PARVB: variants seen among roughly 807,000 people sequenced by gnomAD.
The protein encoded by PARVB is beta-parvin.
PARVB carries 46 observed loss-of-function variants against 47.0 expected under a neutral mutation model. That is an observed-to-expected ratio of 0.98 (90% confidence interval 0.77 to 1.25). The LOEUF is 1.25. PARVB is among the 50% of genes most tolerant of loss of function. The pLI is 0.00. For synonymous variants in PARVB, 196 were observed against 196.3 expected (o/e 1.00, Z 0.01); for missense variants, 473 against 471.6 (o/e 1.00, Z -0.03).
At chr22:44,135,058 A>G (rs972719254) in intron 6 of PARVB, among the ~76,000 whole-genome samples, 4 of 152,082 alleles carry the variant, frequency 2.6e-5, no homozygotes, top group African/African-American at 9.7e-5. Context: ...TGAGTATTCC[A>G]TGGAGGTCAA....
At position 44,035,368 on chromosome 22, in the gene PARVB, C is replaced by CTT. The variant is rs57745730; in HGVS notation, c.112+10936_112+10937dup. The stretch of plus-strand genomic sequence containing the variant: ...TCACGCTTTTCTTCTTTTCTTTTTC[C>CTT]TTTTTTTTTTTTTTTTTTTTGAGAC... On this transcript the variant is annotated intron_variant, in intron 1 of 12. Coordinates refer to ENST00000338758, the MANE Select transcript of PARVB (RefSeq NM_013327.5). 3.2e-3 allele frequency among the ~76,000 whole-genome samples: 380 copies of CTT among 117,958 alleles called. 3 individuals carry two copies. The highest frequency in any genetic ancestry group is 5.1e-3 in the Admixed American group (55 of 10,838). 77.4% of individuals were successfully genotyped at this position (117,958 alleles called of 152,430 possible). A position where few individuals can be genotyped will look rare whatever the true frequency, so the allele number is the denominator to read the frequency against.
chr22:44,023,602 T>A (rs148315521), upstream of PARVB, among the ~76,000 whole-genome samples: 5 of 135,212 alleles, frequency 3.7e-5, no homozygotes, highest in Admixed American at 7.3e-5. Flanking sequence ...TAAAATAAAA[T>A]AAAAATAGCC....
intron 1 of PARVB, among the ~76,000 whole-genome samples, chr22:44,048,976 C>T (rs1156758197): frequency 6.6e-6 from 1 of 152,152 alleles, no homozygotes; most frequent in Non-Finnish European, 1.5e-5. Context: ...AGGTGTGAAC[C>T]ACTGCGCCTG....
intron 8 of PARVB, chr22:44,140,719 A>G (rs112964805): frequency 0.01 from 4,142 of 410,334 alleles, 109 homozygotes; most frequent in African/African-American, 0.065. Context: ...TGCTGTGAGT[A>G]TTGGGTGAGA....
intron 4 of PARVB, among the ~76,000 whole-genome samples, chr22:44,126,269 C>T (rs2053184054): frequency 6.6e-6 from 1 of 152,170 alleles, no homozygotes; most frequent in South Asian, 2.1e-4. Context: ...TGAGAATCCC[C>T]ATCTTAGAAT....
intron 12 of PARVB, among the ~76,000 whole-genome samples, chr22:44,167,671 C>T (rs2147195796): frequency 1.3e-5 from 2 of 150,974 alleles, no homozygotes; most frequent in Admixed American, 1.3e-4. Context: ...CAGGGGGAGA[C>T]CCTGGGATCC....
chr22:44,073,441 C>T (rs118171597), intron 1 of PARVB, among the ~76,000 whole-genome samples: 6 of 152,152 alleles, frequency 3.9e-5, no homozygotes, highest in Non-Finnish European at 5.9e-5. Flanking sequence ...TTGCGGTGAG[C>T]GGAGGTCGCG....
chr22:44,149,882 G>A (rs13056511), intron 9 of PARVB: 46,353 of 152,078 alleles, frequency 0.3, 7,622 homozygotes, highest in East Asian at 0.62. Context: ...CAGGCTGGGC[G>A]CGGTGGCTCA....
Position 44,068,078 on chromosome 22 carries a change from C to T in PARVB, c.113-25850C>T, listed in dbSNP as rs954542295. Among the ~76,000 whole-genome samples, 2 of 148,984 alleles carry T rather than the reference C, an allele frequency of 1.3e-5. No homozygotes were observed. The highest frequency in any genetic ancestry group is 2.0e-4 in the East Asian group (1 of 4,916). On this transcript the variant is annotated intron_variant, in intron 1 of 12. Coordinates refer to ENST00000338758, the MANE Select transcript of PARVB (RefSeq NM_013327.5). The surrounding 1 kb of genome is among the most constrained non-coding windows in gnomAD (Gnocchi z 4.1). The stretch of plus-strand genomic sequence containing the variant: ...CTGCTGGGTCGGGACATGGGCCTCC[C>T]GTGGGCCTCACCGCTTCCTGCTTCA...
chr22:44,002,731 G>A (rs915554750), intron 2 of PARVB, among the ~76,000 whole-genome samples: 6 of 152,184 alleles, frequency 3.9e-5, no homozygotes, highest in African/African-American at 1.4e-4. Flanking sequence ...AGTTTGCGTA[G>A]TGAACCGTGG....
chr22:44,052,180 G>T (rs566805630), intron 1 of PARVB, among the ~76,000 whole-genome samples: 4 of 152,346 alleles, frequency 2.6e-5, no homozygotes, highest in African/African-American at 7.2e-5. Context: ...TGCCTCGGCG[G>T]TTCTCCTGCC....
At chr22:44,016,715 CTG>C (rs1904281125) in intron 2 of PARVB, among the ~76,000 whole-genome samples, 1 of 152,106 alleles carries the variant, frequency 6.6e-6, no homozygotes, top group South Asian at 2.1e-4. Context: ...GCTGAATAAA[CTG>C]TGTGTTATGT....
chr22:44,012,520 A>T lies in PARVB; in HGVS notation c.211+12847A>T, dbSNP rs190760929. ...GATCACTAAATTAGCAGACTGATTA[A>T]ATAACACCATTTCAAAATGCTAGTT... On this transcript the variant is annotated intron_variant, in intron 2 of 13. Coordinates refer to the PARVB transcript ENST00000406477. Among the ~76,000 whole-genome samples the T allele has an allele frequency of 8.2e-4, 125 of 152,354 alleles. 1 individual carries two copies. The highest frequency in any genetic ancestry group is 2.9e-3 in the African/African-American group (120 of 41,586).
chr22:44,150,397 C>T lies in PARVB; in HGVS notation c.775-1086C>T, dbSNP rs183802026. On this transcript the variant is annotated intron_variant, in intron 9 of 12. Coordinates refer to ENST00000338758, the MANE Select transcript of PARVB (RefSeq NM_013327.5). ...ATTGCAAATCGATAGGCAGGCTGGG[C>T]GCTGTGGCTCACACCTGTAATTTCA... 3.2e-3 allele frequency: 490 copies of T among 152,262 alleles called. 1 individual carries two copies. Among genetic ancestry groups the T allele is most frequent in the Non-Finnish European group, 5.3e-3 (359 of 68,076 alleles). The allele number at this position is 152,262 out of a possible 1,614,324, so 9.4% of individuals were successfully genotyped here.
At chr22:44,096,512 C>T (rs1421558172) in intron 2 of PARVB, among the ~76,000 whole-genome samples, 1 of 152,156 alleles carries the variant, frequency 6.6e-6, no homozygotes, top group Non-Finnish European at 1.5e-5. Flanking sequence ...ATCATTGTAG[C>T]GAATATTGGG....
At chr22:44,147,337 C>T in intron 8 of PARVB, 1 of 249,644 alleles carries the variant, frequency 4.0e-6, no homozygotes, top group Non-Finnish European at 8.1e-6. Context: ...CCTGTTTGCA[C>T]TTGGAAGGGC....
intron 1 of PARVB, among the ~76,000 whole-genome samples, chr22:44,065,145 C>T (rs1438177203): frequency 6.6e-6 from 1 of 152,104 alleles, no homozygotes; most frequent in Non-Finnish European, 1.5e-5. Flanking sequence ...TCCCCCAGTG[C>T]TCACTGACTA....
intron 12 of PARVB, among the ~76,000 whole-genome samples, chr22:44,166,480 T>C (rs2054169829): frequency 6.6e-6 from 1 of 152,128 alleles, no homozygotes; most frequent in South Asian, 2.1e-4. Flanking sequence ...CAGGCCGGCC[T>C]CCTAGGAGGG....
intron 4 of PARVB, among the ~76,000 whole-genome samples, chr22:44,124,771 G>C (rs189471772): frequency 2.6e-5 from 4 of 152,354 alleles, no homozygotes; most frequent in Admixed American, 2.0e-4. Flanking sequence ...GGCAGGGCTG[G>C]TGACTGGGGT....
Sources: gnomAD v4.1 joint callset for allele counts (sites outside exome capture counted in the v4.1 genomes callset) on GRCh38, gnomAD v4.1.1 for gene constraint, Gnocchi (gnomAD v3.1) non-coding constraint, MANE v1.5 for transcripts, NCBI Gene and HGNC (gene_info 2026-07-23, HGNC 2026-07-21) for gene names.